Variants in ZNF420 observed in about 807,000 individuals in gnomAD.
ZNF420 encodes ATM and p53-associated KZNF protein.
A neutral mutation model predicts 44.7 loss-of-function variants in ZNF420; 31 were observed. That is an observed-to-expected ratio of 0.69 (90% CI 0.52 to 0.94). The LOEUF is 0.94. Ranked by LOEUF, ZNF420 falls within the 40% of genes least tolerant of loss-of-function variation. The pLI is 0.00. For missense variants in ZNF420, 681 were observed against 827.9 expected, an observed-to-expected ratio of 0.82 and a Z score of 2.18; for synonymous variants, 245 against 267.4, an observed-to-expected ratio of 0.92 and a Z score of 0.82.
At chr19:37,075,460 A>G (rs1484783032), upstream of ZNF420, among the ~76,000 whole-genome samples, 1 of 152,090 alleles carries the variant, frequency 6.6e-6, no homozygotes, top group Non-Finnish European at 1.5e-5. Context: ...AGAGAGAGAG[A>G]GGCCGGGCGC....
chr19:37,115,039 T>C (rs1970585311), intron 4 of ZNF420: 1 of 159,048 alleles, frequency 6.3e-6, no homozygotes, highest in Middle Eastern at 5.1e-4. Context: ...TATTTACTTT[T>C]AGTTTGTCCC....
At chr19:37,084,067 T>C (rs1055150710) in intron 2 of ZNF420, among the ~76,000 whole-genome samples, 1 of 152,204 alleles carries the variant, frequency 6.6e-6, no homozygotes, top group African/African-American at 2.4e-5. Flanking sequence ...GTGTGTATAA[T>C]CATTTCAGGT....
At chr19:37,058,899 G>A (rs1182873910) in intron 1 of ZNF420, among the ~76,000 whole-genome samples, 1 of 152,200 alleles carries the variant, frequency 6.6e-6, no homozygotes, top group African/African-American at 2.4e-5. Context: ...CCACGGCTTT[G>A]CGAATCGGGG....
upstream of ZNF420, among the ~76,000 whole-genome samples, chr19:37,076,557 T>G (rs908201123): frequency 6.6e-6 from 1 of 152,144 alleles, no homozygotes; most frequent in Non-Finnish European, 1.5e-5. Context: ...CAGTGTGTGA[T>G]GTTCCTTACC....
intron 1 of ZNF420, 77 bp downstream of exon 1, chr19:37,078,647 G>A (rs1339326541): frequency 6.6e-6 from 1 of 152,368 alleles, no homozygotes; most frequent in Non-Finnish European, 1.5e-5. Flanking sequence ...CCGTGTCTCC[G>A]GTTTTGTGTG....
intron 4 of ZNF420, among the ~76,000 whole-genome samples, chr19:37,105,498 A>G (rs1219353473): frequency 0.042 from 3 of 72 alleles, no homozygotes; most frequent in Admixed American, 0.2. Context: ...TTTTGGTTCC[A>G]TATTGAACTT....
chr19:37,126,932 G>A (rs545097068), intron 4 of ZNF420, among the ~76,000 whole-genome samples, 196 bp from the exon 5 acceptor site: 4 of 152,226 alleles, frequency 2.6e-5, no homozygotes, highest in East Asian at 3.9e-4. Flanking sequence ...ATAGAAAGCA[G>A]GGAAGATACT....
At chr19:37,089,007 C>G (rs1242775369) in intron 2 of ZNF420, 32 bp from the exon 3 acceptor site, 125 of 920,058 alleles carry the variant, frequency 1.4e-4, no homozygotes, top group Non-Finnish European at 1.1e-4. Context: ...TGCAAAACAC[C>G]TGGTCTCATG....
intron 4 of ZNF420, among the ~76,000 whole-genome samples, chr19:37,117,122 G>A (rs997479205): frequency 1.1e-4 from 16 of 151,826 alleles, no homozygotes; most frequent in East Asian, 2.0e-4. Flanking sequence ...CTCCCAGCAC[G>A]CAGCTGGAGA....
chr19:37,035,929 ATG>A (rs1443743111), intron 1 of ZNF420, among the ~76,000 whole-genome samples: 3 of 152,170 alleles, frequency 2.0e-5, no homozygotes, highest in African/African-American at 7.2e-5. Context: ...TGACACTGAG[ATG>A]TATTTTCACA....
intron 1 of ZNF420, among the ~76,000 whole-genome samples, chr19:37,060,006 C>T (rs1599625174): frequency 1.3e-5 from 2 of 152,082 alleles, no homozygotes; most frequent in Admixed American, 6.5e-5. Context: ...CTGTCGTTGG[C>T]GAGCCTTTTT....
chr19:37,010,903 A>C (rs1343808447), intron 1 of ZNF420, among the ~76,000 whole-genome samples: 1 of 152,168 alleles, frequency 6.6e-6, no homozygotes, highest in Non-Finnish European at 1.5e-5. Flanking sequence ...ACGTCAAAGA[A>C]GATGGTTCTA....
At chr19:37,029,189 A>G (rs933912270) in intron 1 of ZNF420, among the ~76,000 whole-genome samples, 15 of 152,342 alleles carry the variant, frequency 9.8e-5, no homozygotes, top group South Asian at 2.1e-4. Context: ...TTTGCTCATT[A>G]GCCATATGGA....
In ZNF420 at chr19:37,123,599, C is replaced by CTTTTTTTTTTTTT. The variant is rs762782458; in HGVS notation, c.137-3518_137-3506dup. Among the ~76,000 whole-genome samples the CTTTTTTTTTTTTT allele has an allele frequency of 7.0e-4, 56 of 80,326 alleles. 5 individuals carry two copies. The highest frequency in any genetic ancestry group is 2.2e-3 in the East Asian group (7 of 3,254). 52.7% of individuals were successfully genotyped at this position (80,326 alleles called of 152,430 possible). The stretch of plus-strand genomic sequence containing the variant: ...CTTCTTTATTTTCTTTTACTCTTGT[C>CTTTTTTTTTTTTT]TTTTTTTTTTTTTTTTTTTTTTTGA... On this transcript the variant is annotated intron_variant, in intron 4 of 4. Transcript: ENST00000337995.
intron 1 of ZNF420, among the ~76,000 whole-genome samples, chr19:37,058,474 G>C (rs1220140904): frequency 6.6e-6 from 1 of 152,126 alleles, no homozygotes; most frequent in African/African-American, 2.4e-5. Flanking sequence ...TCTCACAAAT[G>C]TCAGGGATCC....
At chr19:37,082,673 T>C (rs557573314) in intron 2 of ZNF420, among the ~76,000 whole-genome samples, 6 of 152,314 alleles carry the variant, frequency 3.9e-5, no homozygotes, top group African/African-American at 1.4e-4. Context: ...CATATGAATA[T>C]AGAAAAACAA....
chr19:37,010,002 C>T (rs1221100263), intron 1 of ZNF420, among the ~76,000 whole-genome samples: 1 of 152,260 alleles, frequency 6.6e-6, no homozygotes, highest in East Asian at 1.9e-4. Context: ...CCCCTACTGC[C>T]GCCGCCATTG....
At chr19:37,112,437 T>A (rs1970430585) in intron 4 of ZNF420, among the ~76,000 whole-genome samples, 1 of 152,214 alleles carries the variant, frequency 6.6e-6, no homozygotes, top group Non-Finnish European at 1.5e-5. Context: ...ATCTCAGCAC[T>A]TTGATACACT....
intron 1 of ZNF420, among the ~76,000 whole-genome samples, chr19:37,034,613 C>T (rs1277952785): frequency 1.3e-5 from 2 of 152,012 alleles, no homozygotes; most frequent in Non-Finnish European, 2.9e-5. Flanking sequence ...TGGACAAGGT[C>T]CCTTTTATGT....
Sources: allele counts gnomAD v4.1 joint callset (sites outside exome capture counted in the v4.1 genomes callset), GRCh38; gene constraint gnomAD v4.1.1; transcripts MANE v1.5; gene names NCBI Gene and HGNC (gene_info 2026-07-23, HGNC 2026-07-21).